TMOD4: variants seen among roughly 807,000 people sequenced by gnomAD.
TMOD4 encodes the protein tropomodulin-4.
In TMOD4, 34 loss-of-function variants were observed where a neutral mutation model predicts 45.4. That is an observed-to-expected ratio of 0.75 (90% CI 0.57 to 1.00). The LOEUF is 1.00. Ranked by LOEUF, TMOD4 falls within the 50% of genes least tolerant of loss-of-function variation. The probability of loss-of-function intolerance (pLI) is 0.00; values close to 1 mark genes in which losing one functional copy is unlikely to be tolerated. For synonymous variants in TMOD4, 131 were observed against 153.9 expected (o/e 0.85, Z 1.10); for missense variants, 399 against 437.5 (o/e 0.91, Z 0.78).
chr1:151,171,354 A>G, intron 7 of TMOD4, 79 bp downstream of exon 7: 1 of 1,359,972 alleles, frequency 7.4e-7, no homozygotes, highest in African/African-American at 1.4e-5. Context: ...AGCACTCCCT[A>G]GCAAAACCCT....
At chr1:151,170,713 A>T in intron 8 of TMOD4, 50 bp from the exon 9 acceptor site, 2 of 1,607,180 alleles carry the variant, frequency 1.2e-6, no homozygotes, top group Non-Finnish European at 1.7e-6. Context: ...TGGGCTGTTT[A>T]CCATCCCACA....
Position 151,174,517 on chromosome 1 carries a change from G to A in TMOD4, c.154C>T (p.Arg52Cys), listed in dbSNP as rs372265099. The change falls in exon 3 of 10, where the codon CGT becomes TGT. Residue 52 changes from arginine (R) to cysteine (C), a missense_variant. Transcript: ENST00000295314. ...GTTGGGCTCTTCTTTGTCTGGTCAC[G>A]TTGTCTTAGTCCAGCTGGCAGGAGC... The part of the protein sequence containing the change: ...NMLLPAGLRQ[R>C]DQTKKSPTGP... The A allele has an allele frequency of 9.3e-6, 15 of 1,613,992 alleles. No individual in the cohort carries two copies. The highest frequency in any genetic ancestry group is 5.3e-5 in the African/African-American group (4 of 74,922).
Position 151,170,096 on chromosome 1 carries a change from C to T in TMOD4, c.1023G>A (p.Gln341=). The T allele has an allele frequency of 6.2e-7, 1 of 1,614,182 alleles. No individual in the cohort carries two copies. The highest frequency in any genetic ancestry group is 8.5e-7 in the Non-Finnish European group (1 of 1,180,004). The change falls in exon 10 of 10, where the codon CAG becomes CAA. Residue 341 remains glutamine, a synonymous_variant. Transcript: ENST00000295314. The part of the protein sequence containing the change: ...AMTRNNELRR[Q]QKKR ...AAATGCAGTGTTATCTCTTCTTTTG[C>T]TGGCGACCTGTAAAGGAGCAATATT...
chr1:151,174,495 G>A lies in TMOD4; in HGVS notation c.176C>T (p.Pro59Leu). The A allele has an allele frequency of 1.2e-6, 2 of 1,614,132 alleles. No individual in the cohort carries two copies. Among genetic ancestry groups the A allele is most frequent in the South Asian group, 1.1e-5 (1 of 91,080 alleles). Residue 59 changes from proline (P) to leucine (L), a missense_variant, in exon 3 of 10, where the codon CCA becomes CTA. Pro to Leu is a moderately conservative substitution (Grantham distance 98). Coordinates refer to ENST00000295314, the MANE Select transcript of TMOD4 (RefSeq NM_013353.3). ...LRQRDQTKKS[P>L]TGPLDREALL... ...GGCCTCTCGGTCCAGTGGCCCCGTT[G>A]GGCTCTTCTTTGTCTGGTCACGTTG... is the stretch of plus-strand genomic sequence containing the variant.
intron 3 of TMOD4, 140 bp downstream of exon 3, chr1:151,174,251 A>C: frequency 2.0e-4 from 159 of 786,984 alleles, no homozygotes; most frequent in Middle Eastern, 7.7e-4. Context: ...GAAGAGTGCA[A>C]GCTCGCATTT....
intron 3 of TMOD4, 93 bp downstream of exon 3, chr1:151,174,298 G>T: frequency 1.4e-6 from 2 of 1,404,948 alleles, no homozygotes; most frequent in Non-Finnish European, 2.0e-6. Flanking sequence ...GCAACTAGGA[G>T]CTGGAAGGTG....
chr1:151,173,637 G>A (rs747058791), intron 3 of TMOD4, 22 bp from the exon 4 acceptor site: 11 of 1,581,836 alleles, frequency 7.0e-6, no homozygotes, highest in Non-Finnish European at 9.6e-6. Context: ...ATGAAGGATG[G>A]CTCAGGTAGA....
intron 8 of TMOD4, 120 bp from the exon 9 acceptor site, chr1:151,170,783 G>A: frequency 6.6e-7 from 1 of 1,513,788 alleles, no homozygotes; most frequent in Non-Finnish European, 8.9e-7. Context: ...GAAGAGAGAT[G>A]CTGACTTGGC....
intron 4 of TMOD4, among the ~76,000 whole-genome samples, chr1:151,173,083 A>G (rs900824514): frequency 6.6e-6 from 1 of 151,844 alleles, no homozygotes; most frequent in African/African-American, 2.4e-5. Context: ...GGCCTCCCAA[A>G]GTGTTGGGAT....
At chr1:151,171,400 G>C (rs1683950700) in intron 7 of TMOD4, 33 bp downstream of exon 7, 1 of 1,570,520 alleles carries the variant, frequency 6.4e-7, no homozygotes, top group Non-Finnish European at 8.8e-7. Flanking sequence ...TGTAAGATGT[G>C]GGGAGAGGGC....
intron 7 of TMOD4, among the ~76,000 whole-genome samples, 171 bp from the exon 8 acceptor site, chr1:151,171,234 G>A (rs778102438): frequency 2.6e-5 from 4 of 152,178 alleles, no homozygotes; most frequent in Non-Finnish European, 4.4e-5. Context: ...AAAGCAGGGA[G>A]ATGAATGTGC....
chr1:151,174,420 T>A lies in TMOD4; in HGVS notation c.251A>T (p.Asp84Val). The stretch of plus-strand genomic sequence containing the variant: ...CTTCTCGCCTGTGAAGGGCACCAAG[T>A]CATCACGCTCTTTGACTTCTAGTGC... ...QQALEVKERD[D>V]LVPFTGEKKG... Residue 84 changes from aspartate to valine, a missense_variant, in exon 3 of 10, where the codon GAC becomes GTC. Coordinates refer to ENST00000295314, the MANE Select transcript of TMOD4 (RefSeq NM_013353.3). The A allele has an allele frequency of 6.2e-7, 1 of 1,614,058 alleles. No individual in the cohort carries two copies. The highest frequency in any genetic ancestry group is 8.5e-7 in the Non-Finnish European group (1 of 1,179,998).
At chr1:151,170,208 T>C in intron 9 of TMOD4, 105 bp from the exon 10 acceptor site, 1 of 1,367,490 alleles carries the variant, frequency 7.3e-7, no homozygotes, top group Non-Finnish European at 1.0e-6. Context: ...AAATTGGTAG[T>C]GTCTTAGGCC....
chr1:151,171,842 T>C (rs771254547), intron 5 of TMOD4, 79 bp from the exon 6 acceptor site: 16 of 1,476,242 alleles, frequency 1.1e-5, no homozygotes, highest in Admixed American at 2.4e-5. Context: ...TCTTTTCTTT[T>C]TTTTTTTTTT....
chr1:151,175,209 C>A (rs1204578964), intron 1 of TMOD4: 1 of 279,514 alleles, frequency 3.6e-6, no homozygotes, highest in Non-Finnish European at 6.9e-6. Context: ...CCTATAACCT[C>A]ACTTGTCAGT....
rs769430496 is a variant in TMOD4, at chr1:151,174,768, C to G, written c.108G>C (p.Gln36His). 1 of 1,613,978 alleles carries G rather than the reference C, an allele frequency of 6.2e-7. No individual in the cohort carries two copies. Among genetic ancestry groups the G allele is most frequent in the South Asian group, 1.1e-5 (1 of 91,058 alleles). ...EELEQLDCEL[Q>H]EMDPENMLLP... Reference sequence around the variant, plus strand: ...GAGCCCCTACCTCAGGATCCATCTCCTGTAGTTCGCAGTCCAGCTGCTCTA... The same window carrying G: ...GAGCCCCTACCTCAGGATCCATCTCGTGTAGTTCGCAGTCCAGCTGCTCTA... The change falls in exon 2 of 10, where the codon CAG (glutamine) becomes CAC (histidine). Residue 36 changes from glutamine to histidine, a missense_variant. Gln to His is a conservative substitution (Grantham distance 24). Coordinates refer to ENST00000295314, the MANE Select transcript of TMOD4 (RefSeq NM_013353.3).
chr1:151,172,121 A>C, intron 5 of TMOD4, 147 bp downstream of exon 5: 1 of 698,582 alleles, frequency 1.4e-6, no homozygotes, highest in Non-Finnish European at 2.4e-6. Flanking sequence ...GGCATGAGCC[A>C]CCTCACCTGG....
In TMOD4 at chr1:151,174,956, TG is replaced by T. The variant is rs1684060028; in HGVS notation, c.-42-40del. 1.9e-6 allele frequency: 3 copies of T among 1,567,248 alleles called. No individual in the cohort carries two copies. In the East Asian group the frequency reaches 6.7e-5, roughly 35 times the overall value. Reference sequence around the variant, plus strand: ...GACAAAAGGATGGACAATGGTAAGATGGACAGGGACACAGCAGGGACACAAA... The same window carrying T: ...GACAAAAGGATGGACAATGGTAAGATGACAGGGACACAGCAGGGACACAAA... On this transcript the variant is annotated intron_variant, in intron 1 of 9. Coordinates refer to ENST00000295314, the MANE Select transcript of TMOD4 (RefSeq NM_013353.3).
At position 151,171,558 on chromosome 1, in the gene TMOD4, G is replaced by A. The variant is rs1198716983; in HGVS notation, c.619-18C>T. 1.2e-6 allele frequency: 2 copies of A among 1,614,098 alleles called. No homozygotes were observed. Among genetic ancestry groups the A allele is most frequent in the Non-Finnish European group, 1.7e-6 (2 of 1,180,000 alleles). ...GGGATGTCCTATCGGAGGGGAATAG[G>A]AGATGGTGGGCTAAGGGACTCTCGG... On this transcript the variant is annotated intron_variant, in intron 6 of 9. Coordinates refer to ENST00000295314, the MANE Select transcript of TMOD4 (RefSeq NM_013353.3).
Sources: gnomAD v4.1 joint callset for allele counts (sites outside exome capture counted in the v4.1 genomes callset) on GRCh38, gnomAD v4.1.1 for gene constraint, MANE v1.5 for transcripts, NCBI Gene and HGNC (gene_info 2026-07-23, HGNC 2026-07-21) for gene names.